The following TANK variants were observed in gnomAD, a reference collection of about 807,000 sequenced individuals.
TANK encodes TRAF family member associated NFKB activator.
In TANK, 15 loss-of-function variants were observed where a neutral mutation model predicts 43.6. The observed-to-expected ratio is 0.34, with a 90% CI of 0.23 to 0.53. TANK has a LOEUF of 0.53. Ranked by LOEUF, TANK falls within the 20% of genes least tolerant of loss-of-function variation. TANK has a pLI of 0.94. For missense variants in TANK, 417 were observed against 498.6 expected (o/e 0.84, Z 1.56); for synonymous variants, 162 against 178.2 (o/e 0.91, Z 0.73).
chr2:161,197,246 A>G (rs922623901), intron 2 of TANK: 3 of 152,236 alleles, frequency 2.0e-5, no homozygotes, highest in African/African-American at 7.2e-5. Context: ...AACTATAGCC[A>G]TTAATCTTTA....
intron 1 of TANK, chr2:161,140,086 A>G (rs945248021): frequency 3.8e-6 from 1 of 260,884 alleles, no homozygotes; most frequent in Non-Finnish European, 6.0e-6. Context: ...TCTAGAACAT[A>G]TCACTGATAG....
chr2:161,179,011 T>A (rs1055358062), intron 1 of TANK, among the ~76,000 whole-genome samples: 1 of 152,238 alleles, frequency 6.6e-6, no homozygotes, highest in African/African-American at 2.4e-5. Flanking sequence ...AGCAGGGAAG[T>A]TGGAAAACTA....
intron 1 of TANK, chr2:161,161,634 C>G: frequency 1.0e-5 from 7 of 669,972 alleles, no homozygotes; most frequent in Non-Finnish European, 1.7e-5. Context: ...GTTCGATAAT[C>G]TGTTTCAGAT....
At chr2:161,215,104 A>G (rs1687060522) in intron 4 of TANK, among the ~76,000 whole-genome samples, 1 of 152,218 alleles carries the variant, frequency 6.6e-6, no homozygotes, top group Non-Finnish European at 1.5e-5. Flanking sequence ...AAAATGTGCC[A>G]GGATGCTCAG....
chr2:161,209,067 A>C (rs1300892554), intron 4 of TANK, among the ~76,000 whole-genome samples: 2 of 152,216 alleles, frequency 1.3e-5, no homozygotes, highest in Non-Finnish European at 2.9e-5. Context: ...AGGGAACTTA[A>C]TATTCACTTA....
At chr2:161,140,443 C>G (rs754892393) in intron 1 of TANK, among the ~76,000 whole-genome samples, 3 of 150,986 alleles carry the variant, frequency 2.0e-5, no homozygotes, top group Non-Finnish European at 2.9e-5. Flanking sequence ...TGTGGATAAC[C>G]CTTTTTCATG....
At chr2:161,173,120 G>A (rs1558973441) in intron 1 of TANK, among the ~76,000 whole-genome samples, 1 of 152,110 alleles carries the variant, frequency 6.6e-6, no homozygotes, top group Non-Finnish European at 1.5e-5. Context: ...GGTTTATGCA[G>A]CCAGTGTACT....
At chr2:161,148,237 G>A (rs56177779) in intron 1 of TANK, among the ~76,000 whole-genome samples, 8,104 of 152,176 alleles carry the variant, frequency 0.053, 685 homozygotes, top group African/African-American at 0.18. Context: ...ATGTGAAGTG[G>A]TAATTCATTG....
At chr2:161,207,481 G>A (rs1403953149) in intron 4 of TANK, 2 of 984,210 alleles carry the variant, frequency 2.0e-6, no homozygotes, top group Non-Finnish European at 2.4e-6. Context: ...CTTTTTTTAT[G>A]TATCTCTAGC....
At chr2:161,178,621 A>G (rs566396712) in intron 1 of TANK, among the ~76,000 whole-genome samples, 1 of 152,244 alleles carries the variant, frequency 6.6e-6, no homozygotes, top group South Asian at 2.1e-4. Context: ...TCTAAAAAAT[A>G]CCAAAGTGTA....
intron 7 of TANK, 69 bp downstream of exon 7, chr2:161,231,620 T>G: frequency 2.9e-6 from 4 of 1,378,760 alleles, no homozygotes; most frequent in Non-Finnish European, 4.1e-6. Context: ...TGCACAGATA[T>G]GCATCTCTTT....
At chr2:161,206,764 G>A (rs1686672761) in intron 4 of TANK, among the ~76,000 whole-genome samples, 1 of 152,020 alleles carries the variant, frequency 6.6e-6, no homozygotes, top group Admixed American at 6.5e-5. Flanking sequence ...TAGGCCTATT[G>A]TAGTACATTA....
intron 1 of TANK, among the ~76,000 whole-genome samples, chr2:161,177,163 T>C (rs747577186): frequency 1.3e-5 from 2 of 152,156 alleles, no homozygotes; most frequent in Admixed American, 6.6e-5. Context: ...TAACAGGATT[T>C]CAACTTTTTC....
At chr2:161,211,625 C>A (rs1163056482) in intron 4 of TANK, 1 of 295,876 alleles carries the variant, frequency 3.4e-6, no homozygotes, top group Non-Finnish European at 5.0e-6. Flanking sequence ...AGCACCTCTT[C>A]TAAAAGAGGA....
At chr2:161,139,241 C>T (rs1683673520) in intron 1 of TANK, among the ~76,000 whole-genome samples, 2 of 152,086 alleles carry the variant, frequency 1.3e-5, no homozygotes, top group Non-Finnish European at 2.9e-5. Context: ...TCAACCTTGT[C>T]TTGTTTCTGA....
upstream of TANK, chr2:161,156,170 T>C: frequency 1.0e-6 from 1 of 985,458 alleles, no homozygotes; most frequent in Non-Finnish European, 1.2e-6. Flanking sequence ...GCATAATCTT[T>C]CTACCATTTC....
chr2:161,143,147 G>T (rs1683800861), intron 1 of TANK, among the ~76,000 whole-genome samples: 1 of 152,198 alleles, frequency 6.6e-6, no homozygotes. Flanking sequence ...GTATAGGAAT[G>T]CTTGTGATTT....
intron 4 of TANK, chr2:161,212,749 G>A (rs1233917839): frequency 1.0e-6 from 1 of 985,152 alleles, no homozygotes; most frequent in African/African-American, 1.7e-5. Flanking sequence ...AGTCTATCCA[G>A]CCCTGATTTC....
At chr2:161,179,503 TTGG>T (rs1685322065) in intron 1 of TANK, 108 bp from the exon 2 acceptor site, 2 of 884,026 alleles carry the variant, frequency 2.3e-6, no homozygotes, top group Non-Finnish European at 3.2e-6. Flanking sequence ...TTTATAGTAC[TTGG>T]TGGTATAATG....
Sources: allele counts gnomAD v4.1 joint callset (sites outside exome capture counted in the v4.1 genomes callset), GRCh38; gene constraint gnomAD v4.1.1; transcripts MANE v1.5; gene names NCBI Gene and HGNC (gene_info 2026-07-23, HGNC 2026-07-21).